Variants in NKAIN2 observed in about 807,000 individuals in gnomAD.
NKAIN2 encodes sodium/potassium-transporting ATPase subunit beta-1-interacting protein 2.
Under a neutral mutation model 32.6 loss-of-function variants are expected in NKAIN2, and 14 were observed. That is an observed-to-expected ratio of 0.43 (90% CI 0.28 to 0.67). The LOEUF (loss-of-function observed/expected upper bound fraction) is 0.67. Ranked by LOEUF, NKAIN2 falls within the 30% of genes least tolerant of loss-of-function variation. NKAIN2 has a pLI of 0.17. For synonymous variants in NKAIN2, 80 were observed against 87.2 expected (o/e 0.92, Z 0.46); for missense variants, 198 against 258.3 (o/e 0.77, Z 1.60).
intron 4 of NKAIN2, among the ~76,000 whole-genome samples, chr6:124,725,751 G>C (rs1333988250): frequency 6.6e-6 from 1 of 152,210 alleles, no homozygotes; most frequent in Non-Finnish European, 1.5e-5. Context: ...CTCCCAGTGT[G>C]AGCGACGCAG....
chr6:124,110,134 A>G lies in NKAIN2; in HGVS notation c.55-172871A>G, dbSNP rs544087376. Among the ~76,000 whole-genome samples, 6 of 141,692 alleles carry G rather than the reference A, an allele frequency of 4.2e-5. No homozygotes were observed. In the South Asian group the frequency reaches 1.3e-3, roughly 31 times the overall value. 93.0% of individuals were successfully genotyped at this position (141,692 alleles called of 152,430 possible). On this transcript the variant is annotated intron_variant, in intron 1 of 6. Coordinates refer to ENST00000368417, the MANE Select transcript of NKAIN2 (RefSeq NM_001040214.3). ...GAATTGAGTTTGTAAATGTTCCCTC[A>G]TTTTCTTTTTTTTTTTTTTCCAACA...
intron 4 of NKAIN2, among the ~76,000 whole-genome samples, chr6:124,726,617 C>T (rs1206306669): frequency 2.7e-5 from 4 of 149,196 alleles, no homozygotes; most frequent in African/African-American, 7.4e-5. Flanking sequence ...AAAAACAGAA[C>T]AGAAAAACTG....
chr6:124,375,880 T>C (rs889828163), intron 3 of NKAIN2, among the ~76,000 whole-genome samples: 2 of 152,132 alleles, frequency 1.3e-5, no homozygotes, highest in African/African-American at 4.8e-5. Context: ...CTTAATCAAG[T>C]ACTGCTTTAA....
intron 3 of NKAIN2, among the ~76,000 whole-genome samples, chr6:124,581,081 T>C (rs1416963573): frequency 6.6e-6 from 1 of 152,094 alleles, no homozygotes; most frequent in Non-Finnish European, 1.5e-5. Context: ...CCCAATGCAA[T>C]AATAGCTGGA....
chr6:124,781,821 A>G (rs957245982), intron 4 of NKAIN2, among the ~76,000 whole-genome samples: 1 of 152,136 alleles, frequency 6.6e-6, no homozygotes, highest in African/African-American at 2.4e-5. Flanking sequence ...ACTGCTACAC[A>G]TGGATAGACT....
At chr6:124,002,009 C>A (rs575503419) in intron 1 of NKAIN2, among the ~76,000 whole-genome samples, 1 of 152,012 alleles carries the variant, frequency 6.6e-6, no homozygotes, top group Non-Finnish European at 1.5e-5. Flanking sequence ...CCCAGGAATG[C>A]ACTAGAGTGC....
intron 1 of NKAIN2, among the ~76,000 whole-genome samples, chr6:124,279,694 A>G (rs1795205947): frequency 6.6e-6 from 1 of 152,090 alleles, no homozygotes; most frequent in African/African-American, 2.4e-5. Context: ...GTAAAATTTA[A>G]TCCAAACTAA....
At chr6:124,497,078 T>C (rs12663362) in intron 3 of NKAIN2, among the ~76,000 whole-genome samples, 16,360 of 152,108 alleles carry the variant, frequency 0.11, 1,126 homozygotes, top group East Asian at 0.3. Context: ...GTTCACTTCC[T>C]ACCCCAGGGA....
chr6:124,308,170 C>A (rs56298706), intron 2 of NKAIN2, among the ~76,000 whole-genome samples: 5,293 of 150,640 alleles, frequency 0.035, 340 homozygotes, highest in African/African-American at 0.13. Flanking sequence ...GGCCCCAGTG[C>A]CTGATGTTCC....
chr6:124,037,481 G>A (rs77835917), intron 1 of NKAIN2, among the ~76,000 whole-genome samples: 3,242 of 151,946 alleles, frequency 0.021, 109 homozygotes, highest in African/African-American at 0.074. Flanking sequence ...TCAGTTATTG[G>A]TTCCTGAAAA....
intron 1 of NKAIN2, among the ~76,000 whole-genome samples, chr6:123,932,402 C>A (rs1349977952): frequency 1.1e-5 from 1 of 91,214 alleles, no homozygotes; most frequent in Non-Finnish European, 2.0e-5. Context: ...CCTTTTCTGT[C>A]TTTCTTTTTT....
chr6:124,194,794 A>G (rs532998150), intron 1 of NKAIN2, among the ~76,000 whole-genome samples: 9 of 152,306 alleles, frequency 5.9e-5, no homozygotes, highest in African/African-American at 2.2e-4. Flanking sequence ...AGAGCCAATA[A>G]GAACTACTTT....
chr6:123,990,382 C>T (rs1779362224), intron 1 of NKAIN2, among the ~76,000 whole-genome samples: 1 of 152,086 alleles, frequency 6.6e-6, no homozygotes, highest in Admixed American at 6.6e-5. Flanking sequence ...TATGCTACAA[C>T]TTATATTCTT....
intron 1 of NKAIN2, among the ~76,000 whole-genome samples, chr6:124,052,844 G>A (rs905148644): frequency 3.9e-4 from 59 of 151,952 alleles, no homozygotes; most frequent in African/African-American, 1.4e-3. Flanking sequence ...TTTATCTGCA[G>A]GGTTTAACTC....
intron 4 of NKAIN2, among the ~76,000 whole-genome samples, chr6:124,659,480 T>A (rs1784665249): frequency 6.9e-6 from 1 of 145,856 alleles, no homozygotes; most frequent in South Asian, 2.3e-4. Context: ...TTGTTATATT[T>A]TTAATGGAAT....
At chr6:124,687,381 TATATATATTCCATGTATGTGTATGTATGG>T (rs1773984339) in intron 4 of NKAIN2, among the ~76,000 whole-genome samples, 8 of 131,842 alleles carry the variant, frequency 6.1e-5, no homozygotes, top group African/African-American at 2.2e-4. Context: ...ATACATGGAA[TATATATATTCCATGTATGTGTATGTATGG>T]AATATATATA....
chr6:124,608,782 C>T (rs2114993564), intron 3 of NKAIN2, among the ~76,000 whole-genome samples: 1 of 152,266 alleles, frequency 6.6e-6, no homozygotes, highest in East Asian at 1.9e-4. Flanking sequence ...TCACTCGGGG[C>T]AACAGAAAAG....
intron 4 of NKAIN2, among the ~76,000 whole-genome samples, chr6:124,690,218 C>T (rs1295560738): frequency 6.6e-6 from 1 of 151,952 alleles, no homozygotes; most frequent in Non-Finnish European, 1.5e-5. Flanking sequence ...AATGTGAATA[C>T]TATTGTGCTT....
At chr6:123,938,421 T>C (rs1776635424) in intron 1 of NKAIN2, among the ~76,000 whole-genome samples, 1 of 40,926 alleles carries the variant, frequency 2.4e-5, no homozygotes, top group African/African-American at 1.6e-4. Context: ...TATATATATA[T>C]ATATATATAT....
Sources: gnomAD v4.1 joint callset for allele counts (sites outside exome capture counted in the v4.1 genomes callset) on GRCh38, gnomAD v4.1.1 for gene constraint, MANE v1.5 for transcripts, NCBI Gene and HGNC (gene_info 2026-07-23, HGNC 2026-07-21) for gene names.